The following EPHB3 variants were observed in gnomAD, a reference collection of about 807,000 sequenced individuals.
EPHB3 encodes ephrin type-B receptor 3.
A neutral mutation model predicts 100.2 loss-of-function variants in EPHB3; 33 were observed. That is an observed-to-expected ratio of 0.33 (90% CI 0.25 to 0.44). EPHB3 has a LOEUF of 0.44. Among genes scored for constraint, EPHB3 ranks in the 20% least tolerant of loss-of-function variants. The probability of loss-of-function intolerance (pLI) is 1.00; values close to 1 mark genes in which losing one functional copy is unlikely to be tolerated. For synonymous variants in EPHB3, 526 were observed against 554.7 expected, an observed-to-expected ratio of 0.95 and a Z score of 0.73; for missense variants, 1,045 against 1,378.3, an observed-to-expected ratio of 0.76 and a Z score of 3.83.
chr3:184,578,215 C>T lies in EPHB3; in HGVS notation c.1749-199C>T. 1.1e-6 allele frequency: 1 copy of T among 883,692 alleles called. No homozygotes were observed. Among genetic ancestry groups the T allele is most frequent in the Non-Finnish European group, 1.7e-6 (1 of 588,066 alleles). The allele number at this position is 883,692 out of a possible 1,614,324, so 54.7% of individuals were successfully genotyped here. ...TCTCCATACCCCATTCCCTGAATCT[C>T]CGGGCAGGTTCCCTAGGGACTGAGT... is the stretch of plus-strand genomic sequence containing the variant. On this transcript the variant is annotated intron_variant, in intron 8 of 15. Coordinates refer to ENST00000330394, the MANE Select transcript of EPHB3 (RefSeq NM_004443.4). This position sits in a 1 kb window ranked among gnomAD's most constrained non-coding sequence, Gnocchi z 4.7.
chr3:184,579,127 T>G lies in EPHB3; in HGVS notation c.1802-350T>G, dbSNP rs570765182. ...GGATTGTTTTAGGAAGACAGCGGTA[T>G]GCAGGATAGCTCGGTGGGAAAAGTC... On this transcript the variant is annotated intron_variant, in intron 9 of 15. Coordinates refer to ENST00000330394, the MANE Select transcript of EPHB3 (RefSeq NM_004443.4). This position sits in a 1 kb window ranked among gnomAD's most constrained non-coding sequence, Gnocchi z 5.2. Among the ~76,000 whole-genome samples the G allele has an allele frequency of 1.3e-5, 2 of 152,178 alleles. No homozygotes were observed. The highest frequency in any genetic ancestry group is 6.5e-5 in the Admixed American group (1 of 15,288).
chr3:184,562,559 G>C lies in EPHB3; in HGVS notation c.118+206G>C, dbSNP rs572199154. On this transcript the variant is annotated intron_variant, in intron 1 of 15. Coordinates refer to ENST00000330394, the MANE Select transcript of EPHB3 (RefSeq NM_004443.4). The surrounding 1 kb of genome is among the most constrained non-coding windows in gnomAD (Gnocchi z 4.8). ...GCTGGCTCGGAGGCAGGCAGCCCGC[G>C]GGTTGGGGGGTCGCGGGGAGCTAGA... Among the ~76,000 whole-genome samples the C allele has an allele frequency of 4.5e-3, 681 of 152,312 alleles. 8 individuals carry two copies. The highest frequency in any genetic ancestry group is 0.015 in the African/African-American group (631 of 41,586).
chr3:184,567,642 G>A (rs1714420121), intron 1 of EPHB3, among the ~76,000 whole-genome samples: 1 of 152,226 alleles, frequency 6.6e-6, no homozygotes, highest in Non-Finnish European at 1.5e-5. Flanking sequence ...CTGTGACTTT[G>A]CAGCTGATTG....
At position 184,563,158 on chromosome 3, in the gene EPHB3, G is replaced by C. The variant is rs1714302671; in HGVS notation, c.118+805G>C. On this transcript the variant is annotated intron_variant, in intron 1 of 15. Transcript: ENST00000330394. The surrounding 1 kb of genome is among the most constrained non-coding windows in gnomAD (Gnocchi z 4.1). ...TGATTGTACTTGGATGAACAGCCCGGCGTTGTTGGCGCTGGCAGGAGAGCT... is the reference window on the plus strand; with the variant it reads ...TGATTGTACTTGGATGAACAGCCCGCCGTTGTTGGCGCTGGCAGGAGAGCT... 6.6e-6 allele frequency among the ~76,000 whole-genome samples: 1 copy of C among 152,232 alleles called. No individual in the cohort carries two copies. The highest frequency in any genetic ancestry group is 1.5e-5 in the Non-Finnish European group (1 of 68,048).
At position 184,577,516 on chromosome 3, in the gene EPHB3, GAA is replaced by G. The variant is rs1284022366; in HGVS notation, c.1479+52_1479+53del. On this transcript the variant is annotated intron_variant, in intron 6 of 15. Transcript: ENST00000330394. The surrounding 1 kb of genome is among the most constrained non-coding windows in gnomAD (Gnocchi z 4.9). ...GAGGCCTTGGGCTGAGCTGGGCTGA[GAA>G]AATTACCCCCGGATCATGATGGGGC... The G allele has an allele frequency of 1.9e-6, 3 of 1,609,408 alleles. No homozygotes were observed. The highest frequency in any genetic ancestry group is 2.2e-5 in the East Asian group (1 of 44,808).
In EPHB3 at chr3:184,573,032, C is replaced by T. The variant is rs1377834133; in HGVS notation, c.712C>T (p.Pro238Ser). 3.7e-6 allele frequency: 6 copies of T among 1,613,062 alleles called. No homozygotes were observed. Among genetic ancestry groups the T allele is most frequent in the Non-Finnish European group, 5.1e-6 (6 of 1,179,954 alleles). ...GAEPTSLVIAPGTCIPNAVEV... is the reference protein window; with the variant it reads ...GAEPTSLVIASGTCIPNAVEV... ...GGAGCCCACCTCGCTGGTCATTGCT[C>T]CTGGCACCTGCATCCCTAACGCCGT... Residue 238 changes from proline to serine, a missense_variant, in exon 3 of 16, where the codon CCT (proline) becomes TCT (serine). Coordinates refer to ENST00000330394, the MANE Select transcript of EPHB3 (RefSeq NM_004443.4). This position sits in a 1 kb window ranked among gnomAD's most constrained non-coding sequence, Gnocchi z 4.5.
chr3:184,577,576 C>G lies in EPHB3; in HGVS notation c.1480-82C>G. On this transcript the variant is annotated intron_variant, in intron 6 of 15. Transcript: ENST00000330394. This position sits in a 1 kb window ranked among gnomAD's most constrained non-coding sequence, Gnocchi z 4.9. The stretch of plus-strand genomic sequence containing the variant: ...AGCAAGGCCTTGGGTATGGAGGGGG[C>G]ATGTGGCAGGCCTGGGTGTGAATAG... The G allele has an allele frequency of 1.3e-6, 2 of 1,574,898 alleles. No homozygotes were observed. Among genetic ancestry groups the G allele is most frequent in the Non-Finnish European group, 1.7e-6 (2 of 1,158,156 alleles).
chr3:184,577,883 C>T lies in EPHB3; in HGVS notation c.1640-15C>T. ...TCTCTGTCCCTCCACTCAGCAGCCC[C>T]TTCTCTATCTCCAGGCTCTGGGGCC... On this transcript the variant is annotated splice_polypyrimidine_tract_variant and intron_variant, in intron 7 of 15. Coordinates refer to ENST00000330394, the MANE Select transcript of EPHB3 (RefSeq NM_004443.4). The surrounding 1 kb of genome is among the most constrained non-coding windows in gnomAD (Gnocchi z 4.9). 1.2e-6 allele frequency: 2 copies of T among 1,612,760 alleles called. No individual in the cohort carries two copies. Among genetic ancestry groups the T allele is most frequent in the Non-Finnish European group, 1.7e-6 (2 of 1,179,264 alleles).
intron 3 of EPHB3, chr3:184,575,102 A>ACC: frequency 2.1e-6 from 2 of 971,704 alleles, no homozygotes; most frequent in Non-Finnish European, 2.4e-6. Context: ...CGATAAGGCT[A>ACC]CCATCAATCC....
chr3:184,580,365 A>T, intron 11 of EPHB3, 37 bp from the exon 12 acceptor site: 1 of 1,613,376 alleles, frequency 6.2e-7, no homozygotes, highest in South Asian at 1.1e-5. Flanking sequence ...GGCTGATGGG[A>T]GCAATGGGCT....
At chr3:184,580,034 C>T in intron 11 of EPHB3, 100 bp downstream of exon 11, 1 of 1,515,168 alleles carries the variant, frequency 6.6e-7, no homozygotes, top group Non-Finnish European at 8.8e-7. Flanking sequence ...AGTCCATAAG[C>T]ATTTACTGAG....
At chr3:184,580,274 C>A in intron 11 of EPHB3, 128 bp from the exon 12 acceptor site, 1 of 1,228,492 alleles carries the variant, frequency 8.1e-7, no homozygotes, top group Non-Finnish European at 1.2e-6. Context: ...CACTTACCCT[C>A]AGGGCACTCT....
rs369634339 is a variant in EPHB3 at position 184,577,947 on chromosome 3, C to T, written c.1689C>T (p.Ser563=). ...LQEQLPLIVG[S]ATAGLVFVVA... ...AGCAGCTTCCCCTCATCGTGGGCTC[C>T]GCTACAGCTGGGCTTGTCTTCGTGG... Residue 563 remains serine (S), a synonymous_variant, in exon 8 of 16, where the codon TCC becomes TCT. Transcript: ENST00000330394. This position sits in a 1 kb window ranked among gnomAD's most constrained non-coding sequence, Gnocchi z 4.9. The T allele has an allele frequency of 3.3e-5, 54 of 1,613,944 alleles. No individual in the cohort carries two copies. Among genetic ancestry groups the T allele is most frequent in the African/African-American group, 1.3e-4 (10 of 74,908 alleles).
intron 4 of EPHB3, 48 bp downstream of exon 4, chr3:184,576,033 G>T (rs376836629): frequency 3.2e-6 from 5 of 1,551,274 alleles, no homozygotes; most frequent in East Asian, 2.4e-5. Flanking sequence ...CTTCCCTCTG[G>T]GGGGCCAGCC....
rs1057173746 is a variant in EPHB3, at chr3:184,577,536, G to C, written c.1479+69G>C. 8 of 1,601,500 alleles carry C rather than the reference G, an allele frequency of 5.0e-6. No homozygotes were observed. In the African/African-American group the frequency reaches 6.7e-5, roughly 13 times the overall value. On this transcript the variant is annotated intron_variant, in intron 6 of 15. Coordinates refer to ENST00000330394, the MANE Select transcript of EPHB3 (RefSeq NM_004443.4). The surrounding 1 kb of genome is among the most constrained non-coding windows in gnomAD (Gnocchi z 4.9). ...GCTGAGAAAATTACCCCCGGATCATGATGGGGCCCTTGGGAGCAAGGCCTT... is the reference window on the plus strand; with the variant it reads ...GCTGAGAAAATTACCCCCGGATCATCATGGGGCCCTTGGGAGCAAGGCCTT...
rs182950285 is a variant in EPHB3 at position 184,576,766 on chromosome 3, G to A, written c.1013-76G>A. The A allele has an allele frequency of 3.8e-5, 54 of 1,410,798 alleles. No individual in the cohort carries two copies. The African/African-American group carries it at 7.3e-4, about 19-fold the overall frequency. 87.4% of individuals were successfully genotyped at this position (1,410,798 alleles called of 1,614,324 possible). ...GCAAGGAGGTAGAAAGCAGATTGGA[G>A]TGTGCTGGAACTCCGGGCAGAGGGA... On this transcript the variant is annotated intron_variant, in intron 4 of 15. Transcript: ENST00000330394.
Position 184,576,971 on chromosome 3 carries a change from A to T in EPHB3, c.1142A>T (p.His381Leu). ...LLYNVICKKC[H>L]GAGGASACSR... ...TACAATGTCATCTGCAAGAAGTGCCATGGGGCTGGAGGGGCCTCAGCCTGC... is the reference window on the plus strand; with the variant it reads ...TACAATGTCATCTGCAAGAAGTGCCTTGGGGCTGGAGGGGCCTCAGCCTGC... Residue 381 changes from histidine to leucine, a missense_variant, in exon 5 of 16, where the codon CAT becomes CTT. Physicochemically the swap from His to Leu is moderately conservative, Grantham distance 99. Transcript: ENST00000330394. 6 of 1,613,066 alleles carry T rather than the reference A, an allele frequency of 3.7e-6. No individual in the cohort carries two copies. The highest frequency in any genetic ancestry group is 5.1e-6 in the Non-Finnish European group (6 of 1,179,312).
In EPHB3 at chr3:184,562,433, C is replaced by A. The variant is rs940598742; in HGVS notation, c.118+80C>A. 5 of 1,136,350 alleles carry A rather than the reference C, an allele frequency of 4.4e-6. No homozygotes were observed. The East Asian group carries it at 1.7e-4, about 39-fold the overall frequency. The allele number at this position is 1,136,350 out of a possible 1,614,324, so 70.4% of individuals were successfully genotyped here. A position where few individuals can be genotyped will look rare whatever the true frequency, so the allele number is the denominator to read the frequency against. On this transcript the variant is annotated intron_variant, in intron 1 of 15. Transcript: ENST00000330394. This position sits in a 1 kb window ranked among gnomAD's most constrained non-coding sequence, Gnocchi z 4.8. ...GCGGGCTAGCAGCGTGGGTCCGACC[C>A]GGATTGAGCGCACGTCGGAGGAGGC...
rs80141527 is a variant in EPHB3 at position 184,565,608 on chromosome 3, C to T, written c.118+3255C>T. 1.4e-4 allele frequency among the ~76,000 whole-genome samples: 22 copies of T among 152,312 alleles called. No homozygotes were observed. The East Asian group carries it at 3.9e-3, about 27-fold the overall frequency. The stretch of plus-strand genomic sequence containing the variant: ...AACAAGACAGCATAGAGCCCACCTC[C>T]TTCACAGGGGCAGCAGGAGTGACCC... On this transcript the variant is annotated intron_variant, in intron 1 of 15. Coordinates refer to ENST00000330394, the MANE Select transcript of EPHB3 (RefSeq NM_004443.4). This position sits in a 1 kb window ranked among gnomAD's most constrained non-coding sequence, Gnocchi z 4.8.
Sources: allele counts gnomAD v4.1 joint callset (sites outside exome capture counted in the v4.1 genomes callset), GRCh38; gene constraint gnomAD v4.1.1; non-coding constraint Gnocchi (gnomAD v3.1); transcripts MANE v1.5; gene names NCBI Gene and HGNC (gene_info 2026-07-23, HGNC 2026-07-21).